The following CDC45 variants were observed in gnomAD, a reference collection of about 807,000 sequenced individuals.
CDC45 encodes cell division control protein 45 homolog.
In CDC45, 54 loss-of-function variants were observed where a neutral mutation model predicts 77.8. That is an observed-to-expected ratio of 0.69 (90% CI 0.56 to 0.87). The LOEUF (loss-of-function observed/expected upper bound fraction) is 0.87. Ranked by LOEUF, CDC45 falls within the 40% of genes least tolerant of loss-of-function variation. CDC45 has a pLI of 0.00. For missense variants in CDC45, 649 were observed against 721.6 expected (o/e 0.90, Z 1.15); for synonymous variants, 260 against 272.1 (o/e 0.96, Z 0.44).
rs548915575 is a variant in CDC45 at position 19,516,681 on chromosome 22, CG to C, written c.1559+41del. On this transcript the variant is annotated intron_variant, in intron 16 of 18. Coordinates refer to ENST00000263201, the MANE Select transcript of CDC45 (RefSeq NM_003504.5). ...TCCACTCGTCCTGGGACTGGAGGGTCGGGGGTGTTGGGGTTATCAGCTTATT... is the reference window on the plus strand; with the variant it reads ...TCCACTCGTCCTGGGACTGGAGGGTCGGGGTGTTGGGGTTATCAGCTTATT... 422 of 1,574,440 alleles carry C rather than the reference CG, an allele frequency of 2.7e-4. 6 individuals are homozygous for C. The East Asian group carries it at 9.2e-3, about 34-fold the overall frequency.
chr22:19,499,340 G>A (rs1444578664), intron 9 of CDC45, among the ~76,000 whole-genome samples, 189 bp downstream of exon 9: 3 of 152,178 alleles, frequency 2.0e-5, no homozygotes, highest in Admixed American at 6.5e-5. Context: ...CCGAGTGACC[G>A]TGGCCTTGTG....
At chr22:19,499,878 A>C (rs1364862913) in intron 9 of CDC45, among the ~76,000 whole-genome samples, 1 of 152,180 alleles carries the variant, frequency 6.6e-6, no homozygotes, top group East Asian at 1.9e-4. Context: ...GTCACCTGGC[A>C]CAGCCCTAGG....
chr22:19,492,061 C>A (rs956392390), intron 5 of CDC45, among the ~76,000 whole-genome samples: 5 of 152,172 alleles, frequency 3.3e-5, no homozygotes, highest in African/African-American at 1.2e-4. Flanking sequence ...CCGCCTCGGC[C>A]TCCCAAAGTG....
rs13447183 is a variant in CDC45 at position 19,479,959 on chromosome 22, C to T, written c.-10C>T. ...TCAGCGCGAGCGCCAGGCGTCCGGC[C>T]GCCGTGGCTATGTTCGTGTCCGATT... is the stretch of plus-strand genomic sequence containing the variant. On this transcript the variant is annotated 5_prime_UTR_variant, in exon 1 of 19. Coordinates refer to ENST00000263201, the MANE Select transcript of CDC45 (RefSeq NM_003504.5). 6 of 1,612,774 alleles carry T rather than the reference C, an allele frequency of 3.7e-6. No individual in the cohort carries two copies. The highest frequency in any genetic ancestry group is 2.2e-5 in the South Asian group (2 of 91,058).
intron 9 of CDC45, chr22:19,505,079 G>A: frequency 2.3e-6 from 1 of 439,888 alleles, no homozygotes; most frequent in South Asian, 2.5e-5. Context: ...CATCTTGGCT[G>A]TATGGGCTGT....
At chr22:19,480,886 AGTTT>A in intron 2 of CDC45, 63 bp from the exon 3 acceptor site, 1 of 978,918 alleles carries the variant, frequency 1.0e-6, no homozygotes, top group Non-Finnish European at 1.6e-6. Flanking sequence ...AATCTTCCTC[AGTTT>A]CTTTTCAAGG....
At chr22:19,495,582 C>T (rs916642737) in intron 6 of CDC45, among the ~76,000 whole-genome samples, 2 of 152,318 alleles carry the variant, frequency 1.3e-5, no homozygotes, top group South Asian at 4.1e-4. Flanking sequence ...CTTTGGGAAG[C>T]CAAGGTGGAA....
intron 10 of CDC45, among the ~76,000 whole-genome samples, chr22:19,506,107 C>T (rs1174070873): frequency 6.6e-6 from 1 of 152,168 alleles, no homozygotes; most frequent in African/African-American, 2.4e-5. Flanking sequence ...CTTTCCAAGG[C>T]CACACAATAG....
At chr22:19,479,711 G>T, upstream of CDC45, 5 of 681,252 alleles carry the variant, frequency 7.3e-6, no homozygotes, top group Admixed American at 2.2e-5. Context: ...AGAGTTGAAG[G>T]GGGCAACAGT....
chr22:19,519,356 C>T (rs1002874361), intron 18 of CDC45, among the ~76,000 whole-genome samples: 12 of 152,230 alleles, frequency 7.9e-5, no homozygotes, highest in South Asian at 4.1e-4. Flanking sequence ...TGTTGGCAGC[C>T]GCTTAGCTGG....
intron 9 of CDC45, among the ~76,000 whole-genome samples, chr22:19,504,654 T>C (rs1933053750): frequency 1.3e-5 from 2 of 151,974 alleles, no homozygotes; most frequent in South Asian, 4.1e-4. Flanking sequence ...TTGGGAGAGT[T>C]GATTGGTGGG....
intron 5 of CDC45, among the ~76,000 whole-genome samples, chr22:19,487,388 T>C (rs2090087085): frequency 6.6e-6 from 1 of 150,840 alleles, no homozygotes; most frequent in East Asian, 2.0e-4. Flanking sequence ...TAGCCAGGCA[T>C]GGTAGCATGG....
intron 7 of CDC45, among the ~76,000 whole-genome samples, chr22:19,497,141 G>A (rs553159621): frequency 6.6e-6 from 1 of 152,308 alleles, no homozygotes; most frequent in African/African-American, 2.4e-5. Context: ...CTTGCTACAG[G>A]ATAAAATATA....
chr22:19,481,889 C>G (rs2089989406), intron 3 of CDC45, among the ~76,000 whole-genome samples: 1 of 152,202 alleles, frequency 6.6e-6, no homozygotes, highest in Non-Finnish European at 1.5e-5. Context: ...CCAGGCTGGT[C>G]TCGAACTCCT....
intron 11 of CDC45, 82 bp from the exon 12 acceptor site, chr22:19,507,684 C>T (rs1933275798): frequency 5.2e-6 from 7 of 1,359,144 alleles, no homozygotes; most frequent in South Asian, 2.6e-5. Flanking sequence ...GGGACATCCT[C>T]GCTTGCCCTT....
At chr22:19,494,297 C>T (rs754923019) in intron 5 of CDC45, 30 bp from the exon 6 acceptor site, 6 of 1,606,510 alleles carry the variant, frequency 3.7e-6, no homozygotes, top group Admixed American at 3.3e-5. Flanking sequence ...GCATTTGCTC[C>T]ACCTTTTGTT....
At chr22:19,495,893 A>C (rs922951945) in intron 6 of CDC45, 88 bp from the exon 7 acceptor site, 6 of 842,686 alleles carry the variant, frequency 7.1e-6, no homozygotes, top group Non-Finnish European at 1.2e-5. Flanking sequence ...CATTTCATTG[A>C]ATACTGTCAA....
chr22:19,492,867 C>T (rs1267204680), intron 5 of CDC45, among the ~76,000 whole-genome samples: 1 of 152,138 alleles, frequency 6.6e-6, no homozygotes, highest in Non-Finnish European at 1.5e-5. Context: ...TTTGCTGCCT[C>T]TTACCCTCCT....
At chr22:19,506,876 G>A (rs962872190) in intron 10 of CDC45, among the ~76,000 whole-genome samples, 3 of 152,018 alleles carry the variant, frequency 2.0e-5, no homozygotes, top group Non-Finnish European at 4.4e-5. Context: ...GGAGCTTGCA[G>A]CGAGCCGAGA....
Sources: allele counts gnomAD v4.1 joint callset (sites outside exome capture counted in the v4.1 genomes callset), GRCh38; gene constraint gnomAD v4.1.1; transcripts MANE v1.5; gene names NCBI Gene and HGNC (gene_info 2026-07-23, HGNC 2026-07-21).